Variants in APOBEC3A observed in about 807,000 individuals in gnomAD.
The protein encoded by APOBEC3A is apolipoprotein B mRNA editing enzyme catalytic subunit 3A, also known as DNA dC->dU-editing enzyme APOBEC-3A.
A neutral mutation model predicts 23.0 loss-of-function variants in APOBEC3A; 13 were observed. That is an observed-to-expected ratio of 0.57 (90% CI 0.37 to 0.90). The LOEUF is 0.90. Ranked by LOEUF, APOBEC3A falls within the 40% of genes least tolerant of loss-of-function variation. The pLI, the probability that APOBEC3A is intolerant of heterozygous loss-of-function variation, is 0.01. For synonymous variants in APOBEC3A, 74 were observed against 101.3 expected (o/e 0.73, Z 1.62); for missense variants, 179 against 264.9 (o/e 0.68, Z 2.25).
rs1228361618 is a variant in APOBEC3A, at chr22:38,959,755, T to G, written c.174+69T>G. On this transcript the variant is annotated intron_variant, in intron 2 of 4. Transcript: ENST00000249116. ...CCAGGGACATTCATAGGTAGAAGGTTCCGGATTGTACTTGTGGTTTCCTGC... is the reference window on the plus strand; with the variant it reads ...CCAGGGACATTCATAGGTAGAAGGTGCCGGATTGTACTTGTGGTTTCCTGC... 3 of 1,564,516 alleles carry G rather than the reference T, an allele frequency of 1.9e-6. No individual in the cohort carries two copies. In the African/African-American group the frequency reaches 4.1e-5, roughly 21 times the overall value.
At chr22:38,958,587 C>T (rs1175525854) in intron 1 of APOBEC3A, among the ~76,000 whole-genome samples, 18 of 141,230 alleles carry the variant, frequency 1.3e-4, no homozygotes, top group African/African-American at 3.8e-4. Context: ...TCCTTCCTTT[C>T]TTCCTTCCTT....
Position 38,962,583 on chromosome 22 carries a change from A to G in APOBEC3A, c.*74A>G. 4 of 1,575,760 alleles carry G rather than the reference A, an allele frequency of 2.5e-6. No individual in the cohort carries two copies. The highest frequency in any genetic ancestry group is 2.6e-6 in the Non-Finnish European group (3 of 1,161,570). ...AGAATAAAAGATCTTCTTCCAAGAAATGCAAACAGACCGTTCACCACCATC... is the reference window on the plus strand; with the variant it reads ...AGAATAAAAGATCTTCTTCCAAGAAGTGCAAACAGACCGTTCACCACCATC... On this transcript the variant is annotated 3_prime_UTR_variant, in exon 5 of 5. Transcript: ENST00000249116.
rs775358894 is a variant in APOBEC3A at position 38,957,654 on chromosome 22, G to A, written c.-38G>A. 2.2e-5 allele frequency: 35 copies of A among 1,609,478 alleles called. No homozygotes were observed. The highest frequency in any genetic ancestry group is 1.7e-4 in the Middle Eastern group (1 of 6,052). ...CACGCCTTGAGCAAGTCGCAAGAGC[G>A]GGAGGACACAGACCAGGAACCGAGA... On this transcript the variant is annotated 5_prime_UTR_variant, in exon 1 of 5. Coordinates refer to ENST00000249116, the MANE Select transcript of APOBEC3A (RefSeq NM_145699.4).
chr22:38,962,658 A>T lies in APOBEC3A; in HGVS notation c.*149A>T. 1 of 1,547,536 alleles carries T rather than the reference A, an allele frequency of 6.5e-7. No homozygotes were observed. The highest frequency in any genetic ancestry group is 8.7e-7 in the Non-Finnish European group (1 of 1,146,838). ...AAGCAGTATGCTCCCGATCAAGTAG[A>T]TTTTTAAAAAATCAGAGTGGGCCGG... On this transcript the variant is annotated 3_prime_UTR_variant, in exon 5 of 5. Coordinates refer to ENST00000249116, the MANE Select transcript of APOBEC3A (RefSeq NM_145699.4).
chr22:38,962,767 G>C lies in APOBEC3A; in HGVS notation c.*258G>C. ...AGGTCAGGAGATCGAGACCATCCTGGCTAACACGGTGAAACCCTGTCTCTA... is the reference window on the plus strand; with the variant it reads ...AGGTCAGGAGATCGAGACCATCCTGCCTAACACGGTGAAACCCTGTCTCTA... On this transcript the variant is annotated 3_prime_UTR_variant, in exon 5 of 5. Transcript: ENST00000249116. 2.3e-6 allele frequency: 2 copies of C among 875,152 alleles called. No homozygotes were observed. Among genetic ancestry groups the C allele is most frequent in the South Asian group, 3.7e-5 (2 of 53,498 alleles). 54.2% of individuals were successfully genotyped at this position (875,152 alleles called of 1,614,324 possible). A position where few individuals can be genotyped will look rare whatever the true frequency, so the allele number is the denominator to read the frequency against.
intron 4 of APOBEC3A, 122 bp downstream of exon 4, chr22:38,962,335 C>T: frequency 5.7e-6 from 9 of 1,566,398 alleles, no homozygotes; most frequent in Non-Finnish European, 7.8e-6. Context: ...ACAGGGCGCC[C>T]AGCTCCGTCC....
chr22:38,958,601 CTCTT>C (rs1405759457), intron 1 of APOBEC3A, among the ~76,000 whole-genome samples: 1 of 143,048 alleles, frequency 7.0e-6, no homozygotes, highest in South Asian at 2.2e-4. Context: ...CTTCCTTCCT[CTCTT>C]TCTCCCTTTC....
chr22:38,962,434 T>C, intron 4 of APOBEC3A, 61 bp from the exon 5 acceptor site: 1 of 1,582,754 alleles, frequency 6.3e-7, no homozygotes, highest in Non-Finnish European at 8.6e-7. Flanking sequence ...CCAGGCCACC[T>C]CCCTGTGCCC....
chr22:38,960,448 A>C (rs1922829081), intron 2 of APOBEC3A, among the ~76,000 whole-genome samples: 1 of 151,920 alleles, frequency 6.6e-6, no homozygotes, highest in African/African-American at 2.4e-5. Flanking sequence ...CATCCACTCC[A>C]CCCTGCATCA....
intron 4 of APOBEC3A, 76 bp from the exon 5 acceptor site, chr22:38,962,419 T>C: frequency 6.4e-7 from 1 of 1,570,242 alleles, no homozygotes; most frequent in South Asian, 1.1e-5. Context: ...TCATTGTCAC[T>C]GTCCCCAGGC....
At chr22:38,958,271 CTTCT>C (rs1017030212) in intron 1 of APOBEC3A, among the ~76,000 whole-genome samples, 18 of 151,646 alleles carry the variant, frequency 1.2e-4, no homozygotes, top group African/African-American at 4.1e-4. Flanking sequence ...ACCTTCCTTC[CTTCT>C]TTCCTTCCTT....
At chr22:38,958,497 TTC>T (rs541800194) in intron 1 of APOBEC3A, among the ~76,000 whole-genome samples, 254 of 149,104 alleles carry the variant, frequency 1.7e-3, no homozygotes, top group Non-Finnish European at 2.8e-3. Context: ...CCTTCTTTCT[TTC>T]TTTTTCTTTC....
rs9754446 is a variant in APOBEC3A, at chr22:38,962,647, C to T, written c.*138C>T. ...AGACGCCAGCAAAGCAGTATGCTCC[C>T]GATCAAGTAGATTTTTAAAAAATCA... On this transcript the variant is annotated 3_prime_UTR_variant, in exon 5 of 5. Coordinates refer to ENST00000249116, the MANE Select transcript of APOBEC3A (RefSeq NM_145699.4). The T allele has an allele frequency of 4.2e-5, 66 of 1,561,730 alleles. 9 individuals are homozygous for T. In the East Asian group the frequency reaches 7.4e-4, roughly 18 times the overall value.
intron 1 of APOBEC3A, among the ~76,000 whole-genome samples, chr22:38,958,895 A>C (rs1922735724): frequency 7.2e-6 from 1 of 139,170 alleles, no homozygotes; most frequent in Admixed American, 7.5e-5. Flanking sequence ...CCCAACAGAG[A>C]TTTTTCTAAT....
At chr22:38,958,238 C>G (rs1248708411) in intron 1 of APOBEC3A, among the ~76,000 whole-genome samples, 1 of 152,152 alleles carries the variant, frequency 6.6e-6, no homozygotes, top group Non-Finnish European at 1.5e-5. Flanking sequence ...CAGGTCTACT[C>G]GAAATGGTGG....
At position 38,957,645 on chromosome 22, in the gene APOBEC3A, C is replaced by A; in HGVS notation, c.-47C>A. 1 of 1,605,414 alleles carries A rather than the reference C, an allele frequency of 6.2e-7. No individual in the cohort carries two copies. Among genetic ancestry groups the A allele is most frequent in the Non-Finnish European group, 8.5e-7 (1 of 1,175,278 alleles). ...TCTTAACACCACGCCTTGAGCAAGT[C>A]GCAAGAGCGGGAGGACACAGACCAG... On this transcript the variant is annotated 5_prime_UTR_variant, in exon 1 of 5. Transcript: ENST00000249116.
intron 2 of APOBEC3A, among the ~76,000 whole-genome samples, chr22:38,960,687 G>A (rs565358902): frequency 1.7e-3 from 264 of 152,288 alleles, no homozygotes; most frequent in African/African-American, 6.0e-3. Context: ...ACTACTTTTG[G>A]TGGAATTCAT....
rs60486763 is a variant in APOBEC3A at position 38,962,957 on chromosome 22, CAAA to C, written c.*459_*461del. 2.0e-5 allele frequency: 3 copies of C among 146,724 alleles called. No homozygotes were observed. The highest frequency in any genetic ancestry group is 2.3e-4 in the East Asian group (1 of 4,280). 9.1% of individuals were successfully genotyped at this position (146,724 alleles called of 1,614,324 possible). ...TGGGCGACAGTACCAGACTCCATCTCAAAAAAAAAAAAACCAGACTGAATTAAT... is the reference window on the plus strand; with the variant it reads ...TGGGCGACAGTACCAGACTCCATCTCAAAAAAAAAACCAGACTGAATTAAT... On this transcript the variant is annotated 3_prime_UTR_variant, in exon 5 of 5. Transcript: ENST00000249116.
intron 1 of APOBEC3A, among the ~76,000 whole-genome samples, chr22:38,958,262 C>A (rs1219308570): frequency 6.6e-6 from 1 of 151,460 alleles, no homozygotes; most frequent in Non-Finnish European, 1.5e-5. Context: ...ACATTTTGAA[C>A]CTTCCTTCCT....
Sources: allele counts gnomAD v4.1 joint callset (sites outside exome capture counted in the v4.1 genomes callset), GRCh38; gene constraint gnomAD v4.1.1; transcripts MANE v1.5; gene names NCBI Gene and HGNC (gene_info 2026-07-23, HGNC 2026-07-21).